Variants in SYCP1 observed in about 807,000 individuals in gnomAD.
The protein encoded by SYCP1 is synaptonemal complex protein 1, also known as cancer/testis antigen 8.
Under a neutral mutation model 153.1 loss-of-function variants are expected in SYCP1, and 64 were observed. That is an observed-to-expected ratio of 0.42 (90% confidence interval 0.34 to 0.51). SYCP1 has a LOEUF of 0.51. Among genes scored for constraint, SYCP1 ranks in the 20% least tolerant of loss-of-function variants. SYCP1 has a pLI of 0.06. For missense variants in SYCP1, 997 were observed against 1,049.0 expected, an observed-to-expected ratio of 0.95 and a Z score of 0.68; for synonymous variants, 384 against 341.8, an observed-to-expected ratio of 1.12 and a Z score of -1.36.
chr1:114,909,397 T>C (rs1407762872), intron 16 of SYCP1, among the ~76,000 whole-genome samples: 1 of 151,930 alleles, frequency 6.6e-6, no homozygotes, highest in Admixed American at 6.6e-5. Flanking sequence ...GTTAATTTTT[T>C]TTTTACTTGT....
chr1:114,949,031 G>T (rs1670925327), intron 27 of SYCP1, among the ~76,000 whole-genome samples: 1 of 152,142 alleles, frequency 6.6e-6, no homozygotes, highest in Non-Finnish European at 1.5e-5. Flanking sequence ...TAATAGGCTT[G>T]TGGCTCAATC....
rs771690008 is a variant in SYCP1, at chr1:114,926,507, G to T, written c.1870G>T (p.Ala624Ser). The change falls in exon 23 of 32, where the codon GCC becomes TCC. Residue 624 changes from alanine (A) to serine (S), a missense_variant. Physicochemically the swap from Ala to Ser is moderately conservative, Grantham distance 99. Around this residue, in one of 2 missense-constraint regions of SYCP1, gnomAD observed 712 missense variants for 682.9 expected, o/e 1.04. Transcript: ENST00000369522. Reference protein sequence around the residue: ...YIEELQQENKALKKKGTAESK... With the variant: ...YIEELQQENKSLKKKGTAESK... ...TTATTTTTAATTTTAACAGAATAAG[G>T]CCTTGAAAAAAAAAGGTACAGCAGA... The T allele has an allele frequency of 2.5e-6, 4 of 1,578,918 alleles. No individual in the cohort carries two copies. The highest frequency in any genetic ancestry group is 8.6e-7 in the Non-Finnish European group (1 of 1,162,192).
intron 8 of SYCP1, among the ~76,000 whole-genome samples, chr1:114,869,939 C>T (rs1665001388): frequency 6.6e-6 from 1 of 152,004 alleles, no homozygotes; most frequent in African/African-American, 2.4e-5. Context: ...ATTTTGACAC[C>T]ATATTATTAG....
At chr1:114,892,441 G>A (rs1229931373) in intron 15 of SYCP1, among the ~76,000 whole-genome samples, 1 of 152,280 alleles carries the variant, frequency 6.6e-6, no homozygotes, top group African/African-American at 2.4e-5. Flanking sequence ...TCAGCTGTCC[G>A]TGAGCCTGTA....
At chr1:114,925,306 A>G (rs1669185836) in intron 21 of SYCP1, among the ~76,000 whole-genome samples, 1 of 152,180 alleles carries the variant, frequency 6.6e-6, no homozygotes, top group Non-Finnish European at 1.5e-5. Flanking sequence ...GGAGAAAAAC[A>G]TGAATTTAAT....
chr1:114,956,025 C>G (rs929160726), intron 27 of SYCP1, among the ~76,000 whole-genome samples: 1 of 152,206 alleles, frequency 6.6e-6, no homozygotes, highest in East Asian at 1.9e-4. Context: ...TGGCACTTCC[C>G]TAGCCCACTT....
chr1:114,894,756 C>T lies in SYCP1; in HGVS notation c.1259-692C>T, dbSNP rs144028400. Among the ~76,000 whole-genome samples the T allele has an allele frequency of 1.0e-3, 157 of 152,126 alleles. 2 individuals carry two copies. Among genetic ancestry groups the T allele is most frequent in the African/African-American group, 3.7e-3 (152 of 41,502 alleles). ...AATGATGAAGACTTAAGAATTGTAT[C>T]ACAAAATGGTTATTGGTGATCCTTA... On this transcript the variant is annotated intron_variant, in intron 15 of 31. Transcript: ENST00000369522.
intron 16 of SYCP1, among the ~76,000 whole-genome samples, chr1:114,908,212 G>T (rs1412935943): frequency 6.7e-6 from 1 of 149,088 alleles, no homozygotes. Context: ...AGGATTGTGG[G>T]TTGACAGTTT....
intron 23 of SYCP1, among the ~76,000 whole-genome samples, chr1:114,940,338 C>G (rs1455329241): frequency 6.6e-6 from 1 of 152,152 alleles, no homozygotes; most frequent in Non-Finnish European, 1.5e-5. Context: ...CTCAAGTGAT[C>G]TGCCCACGTC....
At chr1:114,882,232 C>A (rs1055561234) in intron 12 of SYCP1, among the ~76,000 whole-genome samples, 1 of 151,874 alleles carries the variant, frequency 6.6e-6, no homozygotes, top group African/African-American at 2.4e-5. Context: ...CAAAACCAAA[C>A]CCGAAACCAA....
chr1:114,878,103 C>G lies in SYCP1; in HGVS notation c.811C>G (p.Leu271Val). The change falls in exon 12 of 32, where the codon CTA becomes GTA. Residue 271 changes from leucine to valine, a missense_variant. By Grantham distance (32) the Leu-to-Val change is conservative (BLOSUM62 1). This residue lies in a region of SYCP1 where 285 missense variants were observed against 366.1 expected (regional missense o/e 0.78). Transcript: ENST00000369522. ...TATTTAAATATTTTAGGTATCACTA[C>G]TATTGATCCAAATCACTGAGAAAGA... ...INDKEKQVSLLLIQITEKENK... is the reference protein window; with the variant it reads ...INDKEKQVSLVLIQITEKENK... 6.5e-7 allele frequency: 1 copy of G among 1,549,458 alleles called. No homozygotes were observed. Among genetic ancestry groups the G allele is most frequent in the Middle Eastern group, 1.7e-4 (1 of 5,856 alleles).
chr1:114,941,185 T>C (rs968502905), intron 23 of SYCP1, among the ~76,000 whole-genome samples: 1 of 152,118 alleles, frequency 6.6e-6, no homozygotes, highest in Non-Finnish European at 1.5e-5. Flanking sequence ...TACTGTATTG[T>C]CCATTTAAAT....
intron 10 of SYCP1, 64 bp from the exon 11 acceptor site, chr1:114,876,673 T>C: frequency 1.1e-6 from 1 of 870,118 alleles, no homozygotes; most frequent in Non-Finnish European, 1.6e-6. Flanking sequence ...TTAAATTTTG[T>C]TTGTAATAGA....
In SYCP1 at chr1:114,898,487, A is replaced by T. The variant is rs117763550; in HGVS notation, c.1320+2978A>T. 2.4e-3 allele frequency among the ~76,000 whole-genome samples: 361 copies of T among 152,154 alleles called. 6 individuals carry two copies. In the East Asian group the frequency reaches 0.045, roughly 19 times the overall value. On this transcript the variant is annotated intron_variant, in intron 16 of 31. Coordinates refer to ENST00000369522, the MANE Select transcript of SYCP1 (RefSeq NM_003176.4). ...GAATATTGATCCAGATTTTTACATTACCCATCCCCTTTTCTTCCTTCTGAG... is the reference window on the plus strand; with the variant it reads ...GAATATTGATCCAGATTTTTACATTTCCCATCCCCTTTTCTTCCTTCTGAG...
At chr1:114,978,858 T>G (rs1430768861) in intron 28 of SYCP1, among the ~76,000 whole-genome samples, 1 of 151,660 alleles carries the variant, frequency 6.6e-6, no homozygotes, top group African/African-American at 2.4e-5. Context: ...TGCAGAATGG[T>G]TAGATATAGA....
At chr1:114,989,039 C>T (rs1673729310) in intron 30 of SYCP1, among the ~76,000 whole-genome samples, 1 of 151,806 alleles carries the variant, frequency 6.6e-6, no homozygotes, top group Non-Finnish European at 1.5e-5. Context: ...TTGTGGTGCA[C>T]ATCTGTAGAC....
intron 27 of SYCP1, among the ~76,000 whole-genome samples, chr1:114,969,125 G>A (rs1231809008): frequency 6.6e-6 from 1 of 152,146 alleles, no homozygotes; most frequent in African/African-American, 2.4e-5. Flanking sequence ...GGCCCCTGCT[G>A]GGAGGTGTCT....
chr1:114,943,302 C>A (rs1190030387), intron 23 of SYCP1, among the ~76,000 whole-genome samples: 2 of 151,900 alleles, frequency 1.3e-5, no homozygotes, highest in African/African-American at 4.8e-5. Context: ...CAAGAACATT[C>A]ATAGCACTAT....
intron 27 of SYCP1, among the ~76,000 whole-genome samples, chr1:114,948,784 T>C (rs905412792): frequency 6.6e-6 from 1 of 152,216 alleles, no homozygotes; most frequent in African/African-American, 2.4e-5. Context: ...TTTCCCTTCA[T>C]CTGCAATAAT....
Sources: allele counts gnomAD v4.1 joint callset (sites outside exome capture counted in the v4.1 genomes callset), GRCh38; gene constraint gnomAD v4.1.1; regional missense constraint gnomAD v4.1.1; transcripts MANE v1.5; gene names NCBI Gene and HGNC (gene_info 2026-07-23, HGNC 2026-07-21).